The following CACNA1S variants were observed in gnomAD, a reference collection of about 807,000 sequenced individuals.
The protein encoded by CACNA1S is voltage-dependent L-type calcium channel subunit alpha-1S.
CACNA1S carries 126 observed loss-of-function variants against 207.4 expected under a neutral mutation model. The ratio of observed to expected loss-of-function variants is 0.61; its 90% CI spans 0.53 to 0.70. CACNA1S has a LOEUF of 0.70. Among genes scored for constraint, CACNA1S ranks in the 30% least tolerant of loss-of-function variants. The pLI is 0.00. For missense variants in CACNA1S, 2,349 were observed against 2,422.8 expected (o/e 0.97, Z 0.64); for synonymous variants, 960 against 932.7 (o/e 1.03, Z -0.53).
rs773828255 is a variant in CACNA1S, at chr1:201,089,436, T to C, written c.722A>G (p.Glu241Gly). 2 of 1,613,944 alleles carry C rather than the reference T, an allele frequency of 1.2e-6. No homozygotes were observed. The highest frequency in any genetic ancestry group is 2.2e-5 in the South Asian group (2 of 91,082). The part of the protein sequence containing the change: ...TDIVATVENE[E>G]PSPCARTGSG... ...GCCCGTCCTGGCGCAGGGCGATGGC[T>C]CTTCATTCTCCACCGTGGCCACGAT... Residue 241 changes from glutamate (E) to glycine (G), a missense_variant, in exon 6 of 44, where the codon GAG (glutamate) becomes GGG (glycine). Physicochemically the swap from Glu to Gly is moderately conservative, Grantham distance 98. Coordinates refer to ENST00000362061, the MANE Select transcript of CACNA1S (RefSeq NM_000069.3).
In CACNA1S at chr1:201,072,833, A is replaced by G. The variant is rs1222163553; in HGVS notation, c.2158-9T>C. 6.2e-7 allele frequency: 1 copy of G among 1,610,516 alleles called. No individual in the cohort carries two copies. The highest frequency in any genetic ancestry group is 2.2e-5 in the East Asian group (1 of 44,860). ...AACTCATCGATTTTCAGCTGTAGGA[A>G]GGAACACAATGACTATAACAATGAA... On this transcript the variant is annotated splice_polypyrimidine_tract_variant and intron_variant, in intron 15 of 43. Transcript: ENST00000362061.
rs140294191 is a variant in CACNA1S at position 201,060,682 on chromosome 1, G to C, written c.3390C>G (p.Leu1130=). The change falls in exon 26 of 44, where the codon CTC becomes CTG. Residue 1130 remains leucine (L), a synonymous_variant. Transcript: ENST00000362061. ...FEYLMFALIM[L]NTICLGMQHY... Reference sequence around the variant, plus strand: ...CCTGCATGCCGAGGCAGATGGTGTTGAGCATGATGAGGGCAAACATCAGGT... The same window carrying C: ...CCTGCATGCCGAGGCAGATGGTGTTCAGCATGATGAGGGCAAACATCAGGT... 51 of 1,614,088 alleles carry C rather than the reference G, an allele frequency of 3.2e-5. No individual in the cohort carries two copies. Among genetic ancestry groups the C allele is most frequent in the Admixed American group, 1.0e-4 (6 of 60,002 alleles).
At chr1:201,092,536 T>C (rs1662275412) in intron 3 of CACNA1S, among the ~76,000 whole-genome samples, 1 of 152,350 alleles carries the variant, frequency 6.6e-6, no homozygotes, top group South Asian at 2.1e-4. Context: ...CACTTTTTGA[T>C]AATGCCCTTT....
intron 2 of CACNA1S, among the ~76,000 whole-genome samples, chr1:201,106,026 C>T (rs1010192890): frequency 2.6e-5 from 4 of 152,192 alleles, no homozygotes; most frequent in Non-Finnish European, 5.9e-5. Context: ...GACACAGGCA[C>T]CTGTATCACC....
intron 2 of CACNA1S, among the ~76,000 whole-genome samples, chr1:201,098,938 G>T (rs1662539348): frequency 1.3e-5 from 2 of 152,218 alleles, no homozygotes; most frequent in East Asian, 1.9e-4. Context: ...GGTTGGCGTG[G>T]TGTGTGACCC....
intron 16 of CACNA1S, among the ~76,000 whole-genome samples, chr1:201,071,456 C>T (rs895697552): frequency 6.6e-6 from 1 of 152,188 alleles, no homozygotes; most frequent in Non-Finnish European, 1.5e-5. Context: ...AGCATATTTG[C>T]ATCTTTCCCC....
intron 38 of CACNA1S, 89 bp downstream of exon 38, chr1:201,047,026 T>C (rs1202123204): frequency 1.9e-6 from 3 of 1,538,494 alleles, no homozygotes; most frequent in Admixed American, 3.3e-5. Flanking sequence ...TCTCCATCAT[T>C]GGCCCCTCAA....
At chr1:201,101,934 TC>T (rs1662685263) in intron 2 of CACNA1S, among the ~76,000 whole-genome samples, 1 of 150,862 alleles carries the variant, frequency 6.6e-6, no homozygotes, top group Non-Finnish European at 1.5e-5. Context: ...TCCCCCCTCC[TC>T]CATCAGCATA....
At chr1:201,055,266 T>A (rs546276891) in intron 28 of CACNA1S, among the ~76,000 whole-genome samples, 13 of 152,368 alleles carry the variant, frequency 8.5e-5, no homozygotes, top group African/African-American at 2.9e-4. Context: ...ATCCCTGGCA[T>A]ACTGGTCTTC....
intron 8 of CACNA1S, 27 bp downstream of exon 8, chr1:201,085,409 T>G: frequency 1.2e-6 from 2 of 1,613,602 alleles, no homozygotes; most frequent in Non-Finnish European, 1.7e-6. Flanking sequence ...GTGGGGTGAG[T>G]GCTGACCACA....
At chr1:201,054,697 G>T (rs2102564162) in intron 28 of CACNA1S, 136 bp from the exon 29 acceptor site, 1 of 255,362 alleles carries the variant, frequency 3.9e-6, no homozygotes, top group Admixed American at 4.6e-5. Flanking sequence ...AGGGGCTAAA[G>T]ACCCCACATG....
At chr1:201,081,715 G>T (rs11577079) in intron 10 of CACNA1S, among the ~76,000 whole-genome samples, 36,430 of 152,230 alleles carry the variant, frequency 0.24, 5,838 homozygotes, top group Non-Finnish European at 0.37. Context: ...CTGGTGGGGG[G>T]TGTTTGGATT....
intron 26 of CACNA1S, among the ~76,000 whole-genome samples, chr1:201,060,303 T>A (rs4915475): frequency 6.6e-6 from 1 of 151,944 alleles, no homozygotes; most frequent in Non-Finnish European, 1.5e-5. Context: ...CCATTTTTCT[T>A]GGGACCAGAG....
chr1:201,069,775 A>T (rs1171665968), intron 17 of CACNA1S, among the ~76,000 whole-genome samples, 174 bp from the exon 18 acceptor site: 1 of 151,898 alleles, frequency 6.6e-6, no homozygotes, highest in Non-Finnish European at 1.5e-5. Context: ...GGGGGCCCTG[A>T]CCTCTCACTC....
intron 10 of CACNA1S, among the ~76,000 whole-genome samples, chr1:201,082,948 G>T (rs531155996): frequency 6.6e-6 from 1 of 152,332 alleles, no homozygotes; most frequent in Non-Finnish European, 1.5e-5. Context: ...GGAAAATTGG[G>T]TATGTTGCTT....
rs1661039702 is a variant in CACNA1S, at chr1:201,061,314, C to G, written c.3208G>C (p.Glu1070Gln). The change falls in exon 25 of 44, where the codon GAG (glutamate) becomes CAG (glutamine). Residue 1070 changes from glutamate to glutamine, a missense_variant. Physicochemically the swap from Glu to Gln is conservative, Grantham distance 29. Coordinates refer to ENST00000362061, the MANE Select transcript of CACNA1S (RefSeq NM_000069.3). ...TTCTTGTACTCAGTCTCTCCCTGCT[C>G]CTGGAAGGTGACAATGACGAAGCCC... is the stretch of plus-strand genomic sequence containing the variant. ...FVGFVIVTFQ[E>Q]QGETEYKNCE... The G allele has an allele frequency of 6.2e-7, 1 of 1,614,192 alleles. No individual in the cohort carries two copies. The highest frequency in any genetic ancestry group is 8.5e-7 in the Non-Finnish European group (1 of 1,180,044).
At chr1:201,063,131 C>CT (rs111683985) in intron 22 of CACNA1S, among the ~76,000 whole-genome samples, 1,776 of 115,530 alleles carry the variant, frequency 0.015, 42 homozygotes, top group African/African-American at 0.044. Context: ...GCAGTTAATC[C>CT]TTTTTTTTTT....
At chr1:201,086,469 A>C (rs1662043302) in intron 7 of CACNA1S, among the ~76,000 whole-genome samples, 2 of 152,200 alleles carry the variant, frequency 1.3e-5, no homozygotes, top group Non-Finnish European at 2.9e-5. Flanking sequence ...TAGATGGGAG[A>C]GCCGACTACA....
At chr1:201,064,671 T>C (rs1393033712) in intron 22 of CACNA1S, among the ~76,000 whole-genome samples, 1 of 151,868 alleles carries the variant, frequency 6.6e-6, no homozygotes, top group Non-Finnish European at 1.5e-5. Flanking sequence ...GTATCAAGGG[T>C]GTTGGTGTAT....
Sources: allele counts gnomAD v4.1 joint callset (sites outside exome capture counted in the v4.1 genomes callset), GRCh38; gene constraint gnomAD v4.1.1; transcripts MANE v1.5; gene names NCBI Gene and HGNC (gene_info 2026-07-23, HGNC 2026-07-21).